AKT3: variants seen among roughly 807,000 people sequenced by gnomAD.
The protein encoded by AKT3 is RAC-gamma serine/threonine-protein kinase.
AKT3 carries 15 observed loss-of-function variants against 65.3 expected under a neutral mutation model. The observed-to-expected ratio is 0.23, with a 90% CI of 0.15 to 0.35. AKT3 has a LOEUF of 0.35. Ranked by LOEUF, AKT3 falls within the 10% of genes least tolerant of loss-of-function variation. The pLI is 1.00. For synonymous variants in AKT3, 206 were observed against 183.8 expected, an observed-to-expected ratio of 1.12 and a Z score of -0.98; for missense variants, 243 against 576.5, an observed-to-expected ratio of 0.42 and a Z score of 5.92.
intron 10 of AKT3, among the ~76,000 whole-genome samples, chr1:243,557,303 A>G (rs941490049): frequency 3.9e-5 from 6 of 152,188 alleles, no homozygotes; most frequent in African/African-American, 9.6e-5. Flanking sequence ...CAGTGTTTCC[A>G]GTTAGGGTTA....
intron 2 of AKT3, among the ~76,000 whole-genome samples, chr1:243,699,709 C>A (rs938967226): frequency 6.6e-6 from 1 of 151,642 alleles, no homozygotes; most frequent in Non-Finnish European, 1.5e-5. Context: ...GTGAATATTA[C>A]CTTATGGTAA....
At chr1:243,674,930 A>G (rs1683398917) in intron 3 of AKT3, among the ~76,000 whole-genome samples, 1 of 152,162 alleles carries the variant, frequency 6.6e-6, no homozygotes. Flanking sequence ...TCACCCAAAT[A>G]ATGAACATAG....
At chr1:243,703,192 T>C (rs1685575553) in intron 2 of AKT3, 1 of 152,134 alleles carries the variant, frequency 6.6e-6, no homozygotes, top group Non-Finnish European at 1.5e-5. Flanking sequence ...AAATCTTTTC[T>C]ACTAATGGAT....
intron 2 of AKT3, among the ~76,000 whole-genome samples, chr1:243,835,979 CA>C (rs533346359): frequency 4.6e-5 from 7 of 151,384 alleles, no homozygotes; most frequent in Admixed American, 3.3e-4. Context: ...CTAACAAAGG[CA>C]AAAAAATAGG....
intron 13 of AKT3, among the ~76,000 whole-genome samples, chr1:243,509,688 G>A (rs1253220780): frequency 6.6e-6 from 1 of 152,026 alleles, no homozygotes; most frequent in African/African-American, 2.4e-5. Context: ...AAATGGACTG[G>A]CCCACAGCAT....
intron 1 of AKT3, chr1:243,843,510 A>G: frequency 2.8e-6 from 3 of 1,087,780 alleles, no homozygotes; most frequent in East Asian, 5.0e-5. Context: ...AGAGGTTGCA[A>G]CAAAAAAGTC....
chr1:243,850,004 G>T, intron 1 of AKT3, 36 bp downstream of exon 1: 8 of 983,818 alleles, frequency 8.1e-6, no homozygotes, highest in Non-Finnish European at 9.7e-6. Context: ...GAGGCCAGGC[G>T]GGGAGGGGGC....
Position 243,555,814 on chromosome 1 carries a change from A to G in AKT3, c.949-2871T>C, listed in dbSNP as rs1165235967. On this transcript the variant is annotated intron_variant, in intron 10 of 13. Transcript: ENST00000673466. The stretch of plus-strand genomic sequence containing the variant: ...TGCTCCTGAAAAAATCCAGTGAAAG[A>G]TTTATCTTGAAGAAATAACTTCTGT... Among the ~76,000 whole-genome samples, 20 of 152,160 alleles carry G rather than the reference A, an allele frequency of 1.3e-4. No homozygotes were observed. The East Asian group carries it at 3.5e-3, about 26-fold the overall frequency.
intron 8 of AKT3, among the ~76,000 whole-genome samples, chr1:243,613,314 A>G (rs1265757435): frequency 6.6e-6 from 1 of 151,752 alleles, no homozygotes; most frequent in African/African-American, 2.4e-5. Context: ...ACTTTTGACC[A>G]TGTTCACAGC....
At chr1:243,794,455 A>G (rs887237478) in intron 2 of AKT3, 1 of 152,266 alleles carries the variant, frequency 6.6e-6, no homozygotes, top group Non-Finnish European at 1.5e-5. Flanking sequence ...ACTGCCATTT[A>G]TAACATTATA....
At chr1:243,589,199 G>A (rs562916822) in intron 8 of AKT3, among the ~76,000 whole-genome samples, 232 of 150,036 alleles carry the variant, frequency 1.5e-3, no homozygotes, top group Middle Eastern at 0.01. Context: ...CCAGCTACTC[G>A]GAAAGCTGAG....
At chr1:243,758,500 T>G (rs1332589447) in intron 2 of AKT3, among the ~76,000 whole-genome samples, 1 of 152,112 alleles carries the variant, frequency 6.6e-6, no homozygotes, top group Non-Finnish European at 1.5e-5. Flanking sequence ...TAGCAGAAAC[T>G]GAGATCAGAG....
At chr1:243,757,523 C>T (rs1558783691) in intron 2 of AKT3, among the ~76,000 whole-genome samples, 1 of 152,188 alleles carries the variant, frequency 6.6e-6, no homozygotes, top group East Asian at 1.9e-4. Context: ...GAGGCTGAGA[C>T]AGGAGAATCG....
chr1:243,510,502 AAAG>A (rs1669949458), intron 13 of AKT3, among the ~76,000 whole-genome samples: 1 of 152,230 alleles, frequency 6.6e-6, no homozygotes, highest in Non-Finnish European at 1.5e-5. Flanking sequence ...CTAGGAGGTC[AAAG>A]AAGGTTCTCT....
chr1:243,847,785 G>A (rs977290000), intron 1 of AKT3, among the ~76,000 whole-genome samples: 13 of 152,146 alleles, frequency 8.5e-5, no homozygotes, highest in African/African-American at 3.1e-4. Flanking sequence ...TCACACTCCA[G>A]TATTTGTTAA....
intron 2 of AKT3, among the ~76,000 whole-genome samples, chr1:243,736,750 C>T (rs557100970): frequency 2.4e-4 from 37 of 152,208 alleles, no homozygotes; most frequent in Admixed American, 1.4e-3. Context: ...ACAAAACAGA[C>T]GTACTAAGAC....
downstream of AKT3, among the ~76,000 whole-genome samples, chr1:243,495,453 G>A (rs1040616181): frequency 2.6e-5 from 4 of 152,210 alleles, no homozygotes; most frequent in Non-Finnish European, 5.9e-5. Flanking sequence ...CGGTGTGGAG[G>A]CTGTTATCAG....
intron 10 of AKT3, among the ~76,000 whole-genome samples, chr1:243,560,917 T>C (rs987753317): frequency 6.6e-6 from 1 of 152,072 alleles, no homozygotes; most frequent in African/African-American, 2.4e-5. Context: ...TCTTCTTCCA[T>C]AGCAAATTTA....
chr1:243,817,668 AG>A (rs1393235242), intron 2 of AKT3, among the ~76,000 whole-genome samples: 121 of 152,334 alleles, frequency 7.9e-4, no homozygotes, highest in African/African-American at 2.8e-3. Flanking sequence ...TTAACCTAGA[AG>A]GCAGAGGTTG....
Sources: allele counts gnomAD v4.1 joint callset (sites outside exome capture counted in the v4.1 genomes callset), GRCh38; gene constraint gnomAD v4.1.1; transcripts MANE v1.5; gene names NCBI Gene and HGNC (gene_info 2026-07-23, HGNC 2026-07-21).